CPAMD8: variants seen among roughly 807,000 people sequenced by gnomAD.
CPAMD8 encodes the protein C3 and PZP-like alpha-2-macroglobulin domain-containing protein 8.
In CPAMD8, 146 loss-of-function variants were observed where a neutral mutation model predicts 224.7. That is an observed-to-expected ratio of 0.65 (90% CI 0.57 to 0.75). The LOEUF (loss-of-function observed/expected upper bound fraction) is 0.75, where lower values mean the gene tolerates loss of function less well. CPAMD8 is among the 30% of genes least tolerant of loss of function. The pLI, the probability that CPAMD8 is intolerant of heterozygous loss-of-function variation, is 0.00. For missense variants in CPAMD8, 2,301 were observed against 2,537.5 expected, an observed-to-expected ratio of 0.91 and a Z score of 2.00; for synonymous variants, 966 against 1,044.6, an observed-to-expected ratio of 0.92 and a Z score of 1.45.
At chr19:16,975,967 G>A in intron 16 of CPAMD8, 35 bp downstream of exon 16, 1 of 1,487,408 alleles carries the variant, frequency 6.7e-7, no homozygotes, top group Non-Finnish European at 9.0e-7. Context: ...AAGCCCCGTG[G>A]AGGTCTAGAA....
intron 26 of CPAMD8, among the ~76,000 whole-genome samples, chr19:16,923,125 G>A (rs1473923914): frequency 6.6e-6 from 1 of 152,242 alleles, no homozygotes; most frequent in African/African-American, 2.4e-5. Flanking sequence ...AGCAGGGAAC[G>A]AGGGGGTGAG....
intron 10 of CPAMD8, among the ~76,000 whole-genome samples, chr19:16,999,762 C>T (rs7251841): frequency 0.24 from 36,888 of 152,074 alleles, 5,029 homozygotes; most frequent in African/African-American, 0.37. Flanking sequence ...GATCTTCCTG[C>T]CTCTACCTTC....
chr19:17,004,121 G>C (rs2056416204), intron 8 of CPAMD8, 152 bp downstream of exon 8: 1 of 504,246 alleles, frequency 2.0e-6, no homozygotes, highest in Non-Finnish European at 3.6e-6. Context: ...GGCCAGGCTG[G>C]TCTCAAACTC....
At chr19:17,010,947 C>T (rs977541397) in intron 5 of CPAMD8, among the ~76,000 whole-genome samples, 10 of 151,778 alleles carry the variant, frequency 6.6e-5, no homozygotes, top group Admixed American at 2.0e-4. Flanking sequence ...CGCTTGAACC[C>T]GGGAGGCAGA....
chr19:16,895,848 C>T (rs2051940002), intron 41 of CPAMD8: 2 of 507,812 alleles, frequency 3.9e-6, no homozygotes, highest in Admixed American at 2.3e-5. Flanking sequence ...ACTGCTGGTC[C>T]CCCCAGCATT....
intron 22 of CPAMD8, among the ~76,000 whole-genome samples, chr19:16,943,011 C>CT (rs770885168): frequency 0.015 from 1,183 of 79,376 alleles, 9 homozygotes; most frequent in Non-Finnish European, 0.02. Context: ...TTTCTTTTTT[C>CT]TTTTTTTTTT....
At chr19:16,904,176 A>ACGGCCCCCCCCCCCCCCCCCCCCCCCCC in intron 32 of CPAMD8, 50 bp downstream of exon 32, 1 of 937,340 alleles carries the variant, frequency 1.1e-6, no homozygotes, top group Non-Finnish European at 1.7e-6. Context: ...GACTGCAGGG[A>ACGGCCCCCCCCCCCCCCCCCCCCCCCCC]CCCCACCCAC....
intron 14 of CPAMD8, among the ~76,000 whole-genome samples, chr19:16,979,719 T>G (rs1396427073): frequency 6.6e-6 from 1 of 152,250 alleles, no homozygotes; most frequent in Non-Finnish European, 1.5e-5. Flanking sequence ...CCAGGGATGC[T>G]GCTCAATATC....
In CPAMD8 at chr19:16,906,943, G is replaced by C. The variant is rs1260789860; in HGVS notation, c.4027+9C>G. ...GCTGTGGCCTCTGGGGAGGGCCAGG[G>C]ACACCTACCTCGCATGATGGCCAGG... On this transcript the variant is annotated intron_variant, in intron 30 of 41. Transcript: ENST00000443236. 7 of 1,576,096 alleles carry C rather than the reference G, an allele frequency of 4.4e-6. No individual in the cohort carries two copies. The South Asian group carries it at 8.2e-5, about 18-fold the overall frequency.
chr19:16,935,796 C>T (rs2053665518), intron 23 of CPAMD8, among the ~76,000 whole-genome samples: 1 of 152,170 alleles, frequency 6.6e-6, no homozygotes, highest in Non-Finnish European at 1.5e-5. Flanking sequence ...GGGGTAGTTG[C>T]ATGCTCAGTT....
chr19:16,893,076 C>T lies in CPAMD8; in HGVS notation c.*32G>A. ...GGTATGAATGGTCCCCAGGACCAAA[C>T]TGCGGTCCCACAACTGCATGTGGTT... is the stretch of plus-strand genomic sequence containing the variant. On this transcript the variant is annotated 3_prime_UTR_variant, in exon 42 of 42. Transcript: ENST00000443236. 1.0e-6 allele frequency: 1 copy of T among 990,228 alleles called. No individual in the cohort carries two copies. The highest frequency in any genetic ancestry group is 1.6e-6 in the Non-Finnish European group (1 of 612,406). The allele number at this position is 990,228 out of a possible 1,614,324, so 61.3% of individuals were successfully genotyped here.
At chr19:16,972,189 G>A (rs747296719) in intron 17 of CPAMD8, among the ~76,000 whole-genome samples, 7 of 152,148 alleles carry the variant, frequency 4.6e-5, no homozygotes, top group Non-Finnish European at 1.0e-4. Flanking sequence ...TATTAGAGAC[G>A]GCCTCCATCT....
intron 23 of CPAMD8, among the ~76,000 whole-genome samples, chr19:16,937,450 G>A (rs1464700296): frequency 6.6e-6 from 1 of 151,896 alleles, no homozygotes. Context: ...CTCGTGTAAG[G>A]TGTGATCTTT....
intron 19 of CPAMD8, among the ~76,000 whole-genome samples, chr19:16,956,964 C>T (rs1000662365): frequency 1.3e-5 from 2 of 152,070 alleles, no homozygotes; most frequent in East Asian, 3.9e-4. Context: ...CCATGCCCAG[C>T]CCTAATAAAA....
chr19:16,988,485 C>A (rs2055823337), intron 13 of CPAMD8, among the ~76,000 whole-genome samples: 1 of 152,102 alleles, frequency 6.6e-6, no homozygotes, highest in Non-Finnish European at 1.5e-5. Context: ...TGGTGGGCAC[C>A]TGTAATCCCA....
intron 13 of CPAMD8, among the ~76,000 whole-genome samples, chr19:16,984,613 T>C (rs529362220): frequency 3.3e-5 from 5 of 152,242 alleles, no homozygotes; most frequent in South Asian, 2.1e-4. Flanking sequence ...AGATAACCCA[T>C]AGTATAGGAG....
At chr19:17,009,254 G>C in intron 6 of CPAMD8, 49 bp downstream of exon 6, 1 of 1,613,828 alleles carries the variant, frequency 6.2e-7, no homozygotes, top group South Asian at 1.1e-5. Flanking sequence ...GCAGAAGGTG[G>C]GCTACCCGGG....
Position 16,914,710 on chromosome 19 carries a change from G to A in CPAMD8, c.3733C>T (p.Gln1245Ter). The A allele has an allele frequency of 1.9e-6, 3 of 1,613,528 alleles. No individual in the cohort carries two copies. Among genetic ancestry groups the A allele is most frequent in the Non-Finnish European group, 2.5e-6 (3 of 1,179,454 alleles). ...AAKSWIIQQQ[Q>*]ADGSFLAVGR... ...ACGGCCAGGAAGGAGCCATCGGCCT[G>A]CTGCTGCTGGATGATCCAGCTCTTG... Residue 1245 changes from glutamine (Q) to a stop codon, truncating the protein, a stop_gained, in exon 28 of 42, where the codon CAG becomes TAG. Transcript: ENST00000443236. LOFTEE classifies it high-confidence loss of function.
Position 16,914,722 on chromosome 19 carries a change from T to A in CPAMD8, c.3721A>T (p.Ile1241Phe). The A allele has an allele frequency of 6.2e-7, 1 of 1,614,106 alleles. No individual in the cohort carries two copies. Residue 1241 changes from isoleucine to phenylalanine, a missense_variant, in exon 28 of 42, where the codon ATC becomes TTC. Physicochemically the swap from Ile to Phe is conservative, Grantham distance 21 (BLOSUM62 0). Transcript: ENST00000443236. ...GAGCCATCGGCCTGCTGCTGCTGGATGATCCAGCTCTTGGCGGCAGCCAGC... is the reference window on the plus strand; with the variant it reads ...GAGCCATCGGCCTGCTGCTGCTGGAAGATCCAGCTCTTGGCGGCAGCCAGC... ...RELAAAKSWIIQQQQADGSFL... is the reference protein window; with the variant it reads ...RELAAAKSWIFQQQQADGSFL...
Sources: allele counts gnomAD v4.1 joint callset (sites outside exome capture counted in the v4.1 genomes callset), GRCh38; gene constraint gnomAD v4.1.1; transcripts MANE v1.5; gene names NCBI Gene and HGNC (gene_info 2026-07-23, HGNC 2026-07-21).